The following ADSL variants were observed in gnomAD, a reference collection of about 807,000 sequenced individuals.
ADSL encodes adenylosuccinate lyase.
Under a neutral mutation model 62.1 loss-of-function variants are expected in ADSL, and 44 were observed. That is an observed-to-expected ratio of 0.71 (90% CI 0.56 to 0.91). ADSL has a LOEUF of 0.91. Ranked by LOEUF, ADSL falls within the 40% of genes least tolerant of loss-of-function variation. The pLI is 0.00. For missense variants in ADSL, 531 were observed against 627.4 expected (o/e 0.85, Z 1.64); for synonymous variants, 198 against 220.5 (o/e 0.90, Z 0.90).
At chr22:40,358,687 C>T (rs1569096276) in intron 4 of ADSL, among the ~76,000 whole-genome samples, 177 bp from the exon 5 acceptor site, 1 of 152,166 alleles carries the variant, frequency 6.6e-6, no homozygotes, top group Non-Finnish European at 1.5e-5. Flanking sequence ...ATTGAATCTC[C>T]GTAACGATTA....
chr22:40,357,589 C>A (rs2044614322), intron 4 of ADSL, among the ~76,000 whole-genome samples: 1 of 152,062 alleles, frequency 6.6e-6, no homozygotes. Flanking sequence ...AAGCCATTAG[C>A]TGCTGTGTTT....
At chr22:40,386,158 A>T (rs938919310) in intron 2 of ADSL, among the ~76,000 whole-genome samples, 3 of 152,028 alleles carry the variant, frequency 2.0e-5, no homozygotes, top group Admixed American at 6.6e-5. Flanking sequence ...GGGATCACAA[A>T]TGTGAGCCAC....
At chr22:40,350,482 T>C (rs2146625492) in intron 2 of ADSL, among the ~76,000 whole-genome samples, 1 of 152,280 alleles carries the variant, frequency 6.6e-6, no homozygotes, top group African/African-American at 2.4e-5. Flanking sequence ...TTTTCAGCTT[T>C]TAGTGTGCTT....
chr22:40,354,601 T>G (rs1291261423), intron 4 of ADSL, among the ~76,000 whole-genome samples: 1 of 152,154 alleles, frequency 6.6e-6, no homozygotes, highest in East Asian at 1.9e-4. Flanking sequence ...CCGGGTGTGG[T>G]GGCTCATGCC....
chr22:40,386,431 T>C (rs1333157190), intron 2 of ADSL, among the ~76,000 whole-genome samples: 1 of 152,126 alleles, frequency 6.6e-6, no homozygotes, highest in Non-Finnish European at 1.5e-5. Context: ...CTGAATGTAA[T>C]CCAATGGGCC....
intron 2 of ADSL, among the ~76,000 whole-genome samples, chr22:40,385,609 A>T (rs577325094): frequency 6.6e-6 from 1 of 152,214 alleles, no homozygotes; most frequent in Admixed American, 6.5e-5. Context: ...AGGAAGCTTA[A>T]GTCTAATAAG....
intron 3 of ADSL, 89 bp from the exon 4 acceptor site, chr22:40,354,159 A>G: frequency 8.7e-7 from 1 of 1,145,254 alleles, no homozygotes; most frequent in Non-Finnish European, 1.3e-6. Context: ...GTCTAATTTT[A>G]TACAAAATTA....
At position 40,361,224 on chromosome 22, in the gene ADSL, A is replaced by C. The variant is rs8135371; in HGVS notation, c.793-49A>C. 0.14 allele frequency: 218,917 copies of C among 1,559,676 alleles called. 16,243 individuals carry two copies. Among genetic ancestry groups the C allele is most frequent in the South Asian group, 0.17 (15,477 of 89,912 alleles). The stretch of plus-strand genomic sequence containing the variant: ...AGCCTAGTCACAGCTCCCAGACTCT[A>C]CTGCACACTGACAGTGTGGGGTGAT... On this transcript the variant is annotated intron_variant, in intron 7 of 12. Coordinates refer to ENST00000623063, the MANE Select transcript of ADSL (RefSeq NM_000026.4).
chr22:40,352,838 G>A (rs139017963), intron 2 of ADSL, among the ~76,000 whole-genome samples: 1 of 152,128 alleles, frequency 6.6e-6, no homozygotes. Flanking sequence ...GGCTTTATAA[G>A]TATAAAGGTT....
chr22:40,362,619 T>A (rs919375953), intron 9 of ADSL, among the ~76,000 whole-genome samples: 33 of 152,208 alleles, frequency 2.2e-4, no homozygotes, highest in African/African-American at 8.0e-4. Context: ...GGAGTGAGTA[T>A]AAAGAGCTTG....
At position 40,364,199 on chromosome 22, in the gene ADSL, T is replaced by G. The variant is rs116718400; in HGVS notation, c.1102-77T>G. On this transcript the variant is annotated intron_variant, in intron 10 of 12. Coordinates refer to ENST00000623063, the MANE Select transcript of ADSL (RefSeq NM_000026.4). ...TAGTTAGTGTCTGTGCTGTGCATTTTGTTTGACATCCTGCTGTGTTTATGA... is the reference window on the plus strand; with the variant it reads ...TAGTTAGTGTCTGTGCTGTGCATTTGGTTTGACATCCTGCTGTGTTTATGA... 2.1e-3 allele frequency: 2,383 copies of G among 1,156,590 alleles called. 28 individuals are homozygous for G. The African/African-American group carries it at 0.031, about 15-fold the overall frequency. 71.6% of individuals were successfully genotyped at this position (1,156,590 alleles called of 1,614,324 possible). A position where few individuals can be genotyped will look rare whatever the true frequency, so the allele number is the denominator to read the frequency against.
chr22:40,364,516 A>C (rs901457507), intron 11 of ADSL, 151 bp downstream of exon 11: 3 of 772,426 alleles, frequency 3.9e-6, no homozygotes, highest in East Asian at 2.7e-5. Flanking sequence ...CCATCTATGG[A>C]GGGTGATTTT....
At position 40,367,539 on chromosome 22, in the gene ADSL, C is replaced by T. The variant is rs2045042051; in HGVS notation, c.*1017C>T. On this transcript the variant is annotated 3_prime_UTR_variant, in exon 13 of 13. Coordinates refer to ENST00000623063, the MANE Select transcript of ADSL (RefSeq NM_000026.4). ...TGTTGTATTTCCAATAGCAAGAGCACATCAGATACTTGGCAACTAGGCAGT... is the reference window on the plus strand; with the variant it reads ...TGTTGTATTTCCAATAGCAAGAGCATATCAGATACTTGGCAACTAGGCAGT... 6.0e-6 allele frequency: 1 copy of T among 167,704 alleles called. No individual in the cohort carries two copies. The highest frequency in any genetic ancestry group is 2.4e-5 in the African/African-American group (1 of 41,444). The allele number at this position is 167,704 out of a possible 1,614,324, so 10.4% of individuals were successfully genotyped here. A position where few individuals can be genotyped will look rare whatever the true frequency, so the allele number is the denominator to read the frequency against.
Position 40,346,718 on chromosome 22 carries a change from G to C in ADSL, c.153+7G>C, listed in dbSNP as rs376477242. 1 of 1,600,664 alleles carries C rather than the reference G, an allele frequency of 6.2e-7. No individual in the cohort carries two copies. The highest frequency in any genetic ancestry group is 1.1e-5 in the South Asian group (1 of 89,602). On this transcript the variant is annotated splice_region_variant and intron_variant, in intron 1 of 12. Transcript: ENST00000623063. Reference sequence around the variant, plus strand: ...GCTGGCGGAGGCCGAGCAGGTAACGGATCCCGGGCTGAGGGGCTGGGCCGG... The same window carrying C: ...GCTGGCGGAGGCCGAGCAGGTAACGCATCCCGGGCTGAGGGGCTGGGCCGG...
At chr22:40,354,182 G>A in intron 3 of ADSL, 66 bp from the exon 4 acceptor site, 3 of 1,331,292 alleles carry the variant, frequency 2.3e-6, no homozygotes, top group South Asian at 1.2e-5. Context: ...TGAAAGTTTT[G>A]TTCCTAATTA....
intron 2 of ADSL, among the ~76,000 whole-genome samples, chr22:40,382,992 C>T (rs538961800): frequency 1.3e-5 from 2 of 152,292 alleles, no homozygotes; most frequent in South Asian, 2.1e-4. Flanking sequence ...TCCTGAAATA[C>T]TATGGAAGGT....
intron 2 of ADSL, among the ~76,000 whole-genome samples, chr22:40,377,845 C>CAAA (rs35941683): frequency 8.1e-5 from 5 of 61,610 alleles, no homozygotes; most frequent in Non-Finnish European, 1.4e-4. Context: ...GACCCTGTCT[C>CAAA]AAAAAAAAAA....
rs2047493472 is a variant in ADSL, at chr22:40,381,117, A to G, written c.90-9113A>G. Among the ~76,000 whole-genome samples the G allele has an allele frequency of 2.0e-5, 3 of 152,182 alleles. No homozygotes were observed. In the South Asian group the frequency reaches 6.2e-4, roughly 32 times the overall value. ...AACATTTTACTAGTCTATATAAGCC[A>G]TCAGAAAAGAGGTACACGCTTTTCT... is the stretch of plus-strand genomic sequence containing the variant. On this transcript the variant is annotated intron_variant, in intron 2 of 2. Coordinates refer to the ADSL transcript ENST00000498234.
intron 2 of ADSL, among the ~76,000 whole-genome samples, chr22:40,386,175 T>C (rs1399084275): frequency 1.3e-5 from 2 of 152,094 alleles, no homozygotes; most frequent in East Asian, 3.8e-4. Flanking sequence ...CCACCACCTC[T>C]CCCAGCCAAG....
Sources: allele counts gnomAD v4.1 joint callset (sites outside exome capture counted in the v4.1 genomes callset), GRCh38; gene constraint gnomAD v4.1.1; transcripts MANE v1.5; gene names NCBI Gene and HGNC (gene_info 2026-07-23, HGNC 2026-07-21).